The following ADGRD1 variants were observed in gnomAD, a reference collection of about 807,000 sequenced individuals.
ADGRD1 encodes G-protein coupled receptor 133.
A neutral mutation model predicts 113.4 loss-of-function variants in ADGRD1; 77 were observed. The observed-to-expected ratio is 0.68, with a 90% CI of 0.57 to 0.82. The LOEUF (loss-of-function observed/expected upper bound fraction) is 0.82, where lower values mean the gene tolerates loss of function less well. Ranked by LOEUF, ADGRD1 falls within the 40% of genes least tolerant of loss-of-function variation. The pLI, the probability that ADGRD1 is intolerant of heterozygous loss-of-function variation, is 0.00. For synonymous variants in ADGRD1, 474 were observed against 475.0 expected, an observed-to-expected ratio of 1.00 and a Z score of 0.03; for missense variants, 1,036 against 1,139.1, an observed-to-expected ratio of 0.91 and a Z score of 1.30.
chr12:131,066,086 G>T (rs1287482890), intron 13 of ADGRD1, among the ~76,000 whole-genome samples: 2 of 152,172 alleles, frequency 1.3e-5, no homozygotes, highest in African/African-American at 2.4e-5. Context: ...TAGTCCATTT[G>T]AGCCAAACTG....
intron 20 of ADGRD1, among the ~76,000 whole-genome samples, chr12:131,127,709 C>T (rs112768385): frequency 1.4e-5 from 2 of 139,840 alleles, no homozygotes; most frequent in Admixed American, 7.0e-5. Flanking sequence ...TGTGATGGGA[C>T]TCTGAGCTCA....
At position 131,135,943 on chromosome 12, in the gene ADGRD1, G is replaced by A. The variant is rs1017316658; in HGVS notation, c.2268-94G>A. On this transcript the variant is annotated intron_variant, in intron 21 of 24. Coordinates refer to ENST00000261654, the MANE Select transcript of ADGRD1 (RefSeq NM_198827.5). Reference sequence around the variant, plus strand: ...TCTTGCTCCCGGCAGGGCGGTGCCTGCACCCATCTGGAAGCCTGGCGTCTC... The same window carrying A: ...TCTTGCTCCCGGCAGGGCGGTGCCTACACCCATCTGGAAGCCTGGCGTCTC... 1.7e-5 allele frequency: 23 copies of A among 1,393,184 alleles called. No homozygotes were observed. The African/African-American group carries it at 2.7e-4, about 16-fold the overall frequency. The allele number at this position is 1,393,184 out of a possible 1,614,324, so 86.3% of individuals were successfully genotyped here.
At chr12:131,008,684 C>G (rs147573510) in intron 12 of ADGRD1, among the ~76,000 whole-genome samples, 437 of 152,346 alleles carry the variant, frequency 2.9e-3, no homozygotes, top group African/African-American at 9.8e-3. Context: ...CTGCCTGGCC[C>G]CGCAATGATG....
chr12:131,002,564 G>A (rs1876520615), intron 9 of ADGRD1: 1 of 1,033,568 alleles, frequency 9.7e-7, no homozygotes, highest in African/African-American at 1.7e-5. Context: ...GCTTAAGAGA[G>A]GCCTCTCCCC....
At chr12:131,087,446 G>A (rs1003958127) in intron 15 of ADGRD1, among the ~76,000 whole-genome samples, 5 of 152,184 alleles carry the variant, frequency 3.3e-5, no homozygotes, top group South Asian at 2.1e-4. Flanking sequence ...CTTCCATGCC[G>A]CAGGGTCCCC....
intron 2 of ADGRD1, among the ~76,000 whole-genome samples, chr12:130,958,535 C>T (rs1869956177): frequency 1.3e-5 from 2 of 152,110 alleles, no homozygotes; most frequent in Non-Finnish European, 2.9e-5. Context: ...TCCGACATCT[C>T]AGGCTCTGCT....
chr12:131,131,014 A>G (rs576055792), intron 20 of ADGRD1, among the ~76,000 whole-genome samples: 28 of 152,322 alleles, frequency 1.8e-4, no homozygotes, highest in African/African-American at 6.3e-4. Flanking sequence ...ACAAGGGAGA[A>G]GGCTAACCCT....
In ADGRD1 at chr12:130,964,216, A is replaced by ATTTGTTTT. The variant is rs1249974091; in HGVS notation, c.104-2246_104-2245insTTGTTTTT. The stretch of plus-strand genomic sequence containing the variant: ...TGTATTATATAATACATATTATATA[A>ATTTGTTTT]TATGCACAGAAAACTTTGTTTTCTG... On this transcript the variant is annotated intron_variant, in intron 2 of 24. Transcript: ENST00000261654. Among the ~76,000 whole-genome samples the ATTTGTTTT allele has an allele frequency of 2.0e-3, 297 of 152,002 alleles. 1 individual carries two copies. Among genetic ancestry groups the ATTTGTTTT allele is most frequent in the African/African-American group, 6.9e-3 (286 of 41,470 alleles).
At chr12:131,011,479 C>T (rs1317951879) in intron 12 of ADGRD1, among the ~76,000 whole-genome samples, 1 of 152,096 alleles carries the variant, frequency 6.6e-6, no homozygotes, top group African/African-American at 2.4e-5. Context: ...TCCACTCGCT[C>T]ACTCACTCAC....
intron 13 of ADGRD1, among the ~76,000 whole-genome samples, chr12:131,045,131 C>T (rs1440200700): frequency 6.6e-6 from 1 of 152,234 alleles, no homozygotes; most frequent in African/African-American, 2.4e-5. Flanking sequence ...GCACACGCCT[C>T]CCACACCACC....
rs549657502 is a variant in ADGRD1 at position 131,028,457 on chromosome 12, G to A, written c.1473+14117G>A. Among the ~76,000 whole-genome samples, 174 of 152,188 alleles carry A rather than the reference G, an allele frequency of 1.1e-3. 1 individual carries two copies. The highest frequency in any genetic ancestry group is 3.9e-3 in the African/African-American group (164 of 41,538). ...GCAGTTTTCAACGTCAGTGCAGTCCGGTTTATCAAGCTCTTCTGTATTCAG... is the reference window on the plus strand; with the variant it reads ...GCAGTTTTCAACGTCAGTGCAGTCCAGTTTATCAAGCTCTTCTGTATTCAG... On this transcript the variant is annotated intron_variant, in intron 13 of 24. Transcript: ENST00000261654.
chr12:131,123,821 G>A (rs1340651874), intron 20 of ADGRD1, among the ~76,000 whole-genome samples: 6 of 143,386 alleles, frequency 4.2e-5, no homozygotes, highest in Admixed American at 7.0e-5. Context: ...GTGAGACTCC[G>A]TCTCAAAAAA....
chr12:130,982,695 G>A (rs1593293065), intron 5 of ADGRD1, among the ~76,000 whole-genome samples: 1 of 152,328 alleles, frequency 6.6e-6, no homozygotes, highest in East Asian at 1.9e-4. Flanking sequence ...GGAGGAGGGA[G>A]GGGCCCTGGA....
chr12:131,117,627 G>A (rs900268908), intron 18 of ADGRD1, among the ~76,000 whole-genome samples: 2 of 152,146 alleles, frequency 1.3e-5, no homozygotes, highest in African/African-American at 4.8e-5. Flanking sequence ...CAATAGCTGT[G>A]GCTGGGGGAT....
chr12:130,971,594 C>A lies in ADGRD1; in HGVS notation c.310+14C>A. ...GTGGCCCTGAAGGTGAGTGGCTGAT[C>A]CCTGCGGCATCTTTGTCAAGCATTT... On this transcript the variant is annotated intron_variant, in intron 4 of 24. Transcript: ENST00000261654. This position sits in a 1 kb window ranked among gnomAD's most constrained non-coding sequence, Gnocchi z 4.2. The A allele has an allele frequency of 6.3e-7, 1 of 1,596,202 alleles. No homozygotes were observed. Among genetic ancestry groups the A allele is most frequent in the Non-Finnish European group, 8.5e-7 (1 of 1,171,490 alleles).
At chr12:130,999,878 C>G (rs1876121398) in intron 8 of ADGRD1, among the ~76,000 whole-genome samples, 1 of 152,292 alleles carries the variant, frequency 6.6e-6, no homozygotes, top group Admixed American at 6.5e-5. Context: ...TTCATTGTTT[C>G]CTTAGAATAA....
intron 6 of ADGRD1, chr12:130,987,753 G>T: frequency 4.4e-6 from 1 of 226,062 alleles, no homozygotes; most frequent in Non-Finnish European, 8.8e-6. Context: ...AGTTGTTCGG[G>T]GCAGGGGCCT....
At chr12:131,043,544 G>C (rs895343504) in intron 13 of ADGRD1, among the ~76,000 whole-genome samples, 1 of 152,250 alleles carries the variant, frequency 6.6e-6, no homozygotes, top group Non-Finnish European at 1.5e-5. Flanking sequence ...TGCAGGCTGC[G>C]TGTGGGCAGG....
chr12:131,080,893 T>TA lies in ADGRD1; in HGVS notation c.1548-3646dup, dbSNP rs566482448. ...CCTCGGCCTCCCAAAGTGCTGGGAT[T>TA]ACAGGCGTGAGCCACTGCACCCGGC... On this transcript the variant is annotated intron_variant, in intron 14 of 24. Coordinates refer to ENST00000261654, the MANE Select transcript of ADGRD1 (RefSeq NM_198827.5). Among the ~76,000 whole-genome samples the TA allele has an allele frequency of 1.4e-3, 220 of 152,358 alleles. 1 individual carries two copies. The highest frequency in any genetic ancestry group is 4.9e-3 in the African/African-American group (205 of 41,590).
Sources: gnomAD v4.1 joint callset for allele counts (sites outside exome capture counted in the v4.1 genomes callset) on GRCh38, gnomAD v4.1.1 for gene constraint, Gnocchi (gnomAD v3.1) non-coding constraint, MANE v1.5 for transcripts, NCBI Gene and HGNC (gene_info 2026-07-23, HGNC 2026-07-21) for gene names.